The following DRC11L variants were observed in gnomAD, a reference collection of about 807,000 sequenced individuals.
DRC11L encodes dynein regulatory complex subunit 11 like.
At chr7:151,192,079 T>C in the DRC11L span, among the ~76,000 whole-genome samples, 2 of 152,128 alleles carry the variant, frequency 1.3e-5, no homozygotes, top group Non-Finnish European at 2.9e-5. Flanking sequence ...CCCGAGGAAT[T>C]AGAGCCTCGG....
the DRC11L span, chr7:151,200,404 C>A: frequency 5.0e-6 from 2 of 399,100 alleles, no homozygotes; most frequent in Non-Finnish European, 8.8e-6. Context: ...ACTCCATCTC[C>A]ATTCGCCGGT....
chr7:151,194,341 G>A, the DRC11L span: 1 of 398,710 alleles, frequency 2.5e-6, no homozygotes, highest in Non-Finnish European at 4.4e-6. Context: ...AACTCAGAGT[G>A]GATCCAAGAT....
chr7:151,193,250 G>A, the DRC11L span: 1 of 399,228 alleles, frequency 2.5e-6, no homozygotes. Flanking sequence ...TGTTGCCACA[G>A]GTCTGAGAAC....
the DRC11L span, among the ~76,000 whole-genome samples, chr7:151,191,341 G>A: frequency 1.1e-4 from 16 of 152,230 alleles, no homozygotes; most frequent in East Asian, 3.1e-3. Flanking sequence ...CTTGGCAGGG[G>A]CACTGACTCG....
chr7:151,193,255 G>C, the DRC11L span: 69 of 399,274 alleles, frequency 1.7e-4, no homozygotes, highest in African/African-American at 1.4e-3. Flanking sequence ...CCACAGGTCT[G>C]AGAACCGCAA....
At chr7:151,195,474 C>T in the DRC11L span, 2 of 399,332 alleles carry the variant, frequency 5.0e-6, no homozygotes, top group East Asian at 3.6e-5. Context: ...CAGTTTTCTT[C>T]CCAGGTGTTT....
the DRC11L span, among the ~76,000 whole-genome samples, chr7:151,204,152 T>C: frequency 6.6e-6 from 1 of 152,102 alleles, no homozygotes; most frequent in Admixed American, 6.5e-5. Flanking sequence ...CCTCACCAAT[T>C]CCCTGCGGTT....
chr7:151,192,002 A>G, the DRC11L span: 2 of 398,180 alleles, frequency 5.0e-6, no homozygotes, highest in Non-Finnish European at 8.8e-6. Context: ...CTCCACATCC[A>G]TCAGCTCCCC....
chr7:151,197,165 C>T, the DRC11L span: 1 of 398,912 alleles, frequency 2.5e-6, no homozygotes, highest in Non-Finnish European at 4.4e-6. Context: ...ACACCTTCTC[C>T]TCCCTGTCCC....
At chr7:151,198,977 G>A in the DRC11L span, 1 of 398,966 alleles carries the variant, frequency 2.5e-6, no homozygotes, top group Non-Finnish European at 4.4e-6. Flanking sequence ...TGATGCTCAG[G>A]TGCTCTACCT....
At chr7:151,196,103 G>T in the DRC11L span, 2 of 258,892 alleles carry the variant, frequency 7.7e-6, no homozygotes, top group East Asian at 6.7e-5. Context: ...GGCATGGGTG[G>T]GACACGTCGT....
the DRC11L span, among the ~76,000 whole-genome samples, chr7:151,196,216 C>A: frequency 2.0e-5 from 3 of 152,136 alleles, no homozygotes; most frequent in Admixed American, 6.5e-5. Flanking sequence ...GAAAGTGGGA[C>A]CGGGGGAGGC....
the DRC11L span, chr7:151,191,103 C>T: frequency 2.5e-6 from 1 of 399,312 alleles, no homozygotes; most frequent in Non-Finnish European, 4.4e-6. Context: ...TTGGTGGGTA[C>T]AGGAGTGGTA....
chr7:151,193,975 G>T, the DRC11L span, among the ~76,000 whole-genome samples: 2 of 152,072 alleles, frequency 1.3e-5, no homozygotes, highest in Admixed American at 1.3e-4. Context: ...GGGGGTATAG[G>T]GCTGGTGGTC....
chr7:151,194,889 C>A, the DRC11L span, among the ~76,000 whole-genome samples: 1 of 152,210 alleles, frequency 6.6e-6, no homozygotes, highest in Non-Finnish European at 1.5e-5. Flanking sequence ...GCCCCCTGAC[C>A]AAAGGTCCAC....
chr7:151,192,644 T>C, the DRC11L span: 1 of 398,992 alleles, frequency 2.5e-6, no homozygotes, highest in Non-Finnish European at 4.4e-6. Context: ...AAGGCCCCAG[T>C]GGTTGGGGTT....
chr7:151,202,843 C>G, the DRC11L span: 1 of 399,136 alleles, frequency 2.5e-6, no homozygotes, highest in Non-Finnish European at 4.4e-6. Flanking sequence ...TGATCAATTA[C>G]TGAGCCCAGC....
the DRC11L span, chr7:151,196,447 C>A: frequency 7.5e-6 from 3 of 399,272 alleles, no homozygotes; most frequent in Non-Finnish European, 1.3e-5. Context: ...TGTGCTCACA[C>A]CTGTATCCGG....
At chr7:151,195,502 G>A in the DRC11L span, 5 of 399,622 alleles carry the variant, frequency 1.3e-5, no homozygotes, top group Non-Finnish European at 2.2e-5. Flanking sequence ...GGAAACGAGT[G>A]CGTAGGTCAC....
Sources: gnomAD v4.1 joint callset for allele counts (sites outside exome capture counted in the v4.1 genomes callset) on GRCh38, gnomAD v4.1.1 for gene constraint, MANE v1.5 for transcripts, NCBI Gene and HGNC (gene_info 2026-07-23, HGNC 2026-07-21) for gene names.